ESR2: variants seen among roughly 807,000 people sequenced by gnomAD.
ESR2 encodes estrogen receptor beta.
A neutral mutation model predicts 49.6 loss-of-function variants in ESR2; 36 were observed. The ratio of observed to expected loss-of-function variants is 0.73; its 90% confidence interval spans 0.56 to 0.96. The LOEUF (loss-of-function observed/expected upper bound fraction) is 0.96, where lower values mean the gene tolerates loss of function less well. ESR2 is among the 40% of genes least tolerant of loss of function. The pLI, the probability that ESR2 is intolerant of heterozygous loss-of-function variation, is 0.00. For missense variants in ESR2, 714 were observed against 693.0 expected (o/e 1.03, Z -0.34); for synonymous variants, 320 against 266.1 (o/e 1.20, Z -1.97).
intron 1 of ESR2, among the ~76,000 whole-genome samples, chr14:64,321,326 T>C (rs1455986571): frequency 6.7e-6 from 1 of 149,972 alleles, no homozygotes; most frequent in Non-Finnish European, 1.5e-5. Flanking sequence ...AAAAAAAAAA[T>C]CTTTTTTGGG....
upstream of ESR2, among the ~76,000 whole-genome samples, chr14:64,298,795 G>C (rs1567788268): frequency 6.6e-6 from 1 of 152,116 alleles, no homozygotes; most frequent in Non-Finnish European, 1.5e-5. Context: ...TTTTTGTCCT[G>C]TCCACTGCCC....
Position 64,260,544 on chromosome 14 carries a change from C to A in ESR2, c.857G>T (p.Ser286Ile), listed in dbSNP as rs1254749562. ...EPPHVLISRPSAPFTEASMMM... is the reference protein window; with the variant it reads ...EPPHVLISRPIAPFTEASMMM... ...CATGGAGGCCTCGGTGAAGGGCGCA[C>A]TGGGGCGGCTGATCAGCACATGGGG... The change falls in exon 5 of 9, where the codon AGT becomes ATT. Residue 286 changes from serine to isoleucine, a missense_variant. Coordinates refer to ENST00000341099, the MANE Select transcript of ESR2 (RefSeq NM_001437.3). 6.3e-7 allele frequency: 1 copy of A among 1,576,568 alleles called. No homozygotes were observed. The highest frequency in any genetic ancestry group is 2.3e-5 in the East Asian group (1 of 44,396).
At chr14:64,227,405 C>CT, downstream of ESR2, 1 of 1,081,790 alleles carries the variant, frequency 9.2e-7, no homozygotes. Context: ...AACCACATAA[C>CT]TAACTTCAAA....
chr14:64,307,636 G>A (rs1295248338), intron 1 of ESR2, among the ~76,000 whole-genome samples: 2 of 152,128 alleles, frequency 1.3e-5, no homozygotes, highest in African/African-American at 4.8e-5. Context: ...CTGGGTTCAC[G>A]CCATTCTCCT....
intron 7 of ESR2, among the ~76,000 whole-genome samples, chr14:64,241,826 A>T (rs891648925): frequency 6.6e-6 from 1 of 152,106 alleles, no homozygotes; most frequent in Non-Finnish European, 1.5e-5. Flanking sequence ...TTCTACATAG[A>T]TTCTCATGTT....
intron 4 of ESR2, among the ~76,000 whole-genome samples, chr14:64,268,219 A>G (rs565635661): frequency 6.6e-6 from 1 of 152,362 alleles, no homozygotes; most frequent in South Asian, 2.1e-4. Context: ...TTAAATACAC[A>G]TATGTATACA....
chr14:64,312,684 A>G (rs780747280), intron 1 of ESR2, among the ~76,000 whole-genome samples: 1 of 152,118 alleles, frequency 6.6e-6, no homozygotes, highest in Non-Finnish European at 1.5e-5. Flanking sequence ...CTTATTTGGG[A>G]GAGTTGTGTG....
rs2076634125 is a variant in ESR2 at position 64,280,113 on chromosome 14, T to C, written c.403A>G (p.Ser135Gly). ...TTTGAACCTGGACCAGTAACAGGGC[T>C]GGCGCAACGGTTCCCACTAACCTTC... ...KRKVSGNRCA[S>G]PVTGPGSKRD... The change falls in exon 3 of 9, where the codon AGC (serine) becomes GGC (glycine). Residue 135 changes from serine (S) to glycine (G), a missense_variant. By Grantham distance (56) the Ser-to-Gly change is moderately conservative (BLOSUM62 0). Transcript: ENST00000341099. The C allele has an allele frequency of 1.2e-6, 2 of 1,614,108 alleles. No homozygotes were observed. The highest frequency in any genetic ancestry group is 1.7e-6 in the Non-Finnish European group (2 of 1,179,994).
At chr14:64,310,095 A>G (rs888690500) in intron 1 of ESR2, among the ~76,000 whole-genome samples, 1 of 151,036 alleles carries the variant, frequency 6.6e-6, no homozygotes, top group Non-Finnish European at 1.5e-5. Context: ...TAAAAAAAAG[A>G]AAGCTCGTCT....
At chr14:64,291,285 T>C (rs1465216729) in intron 1 of ESR2, among the ~76,000 whole-genome samples, 9 of 152,152 alleles carry the variant, frequency 5.9e-5, no homozygotes, top group African/African-American at 1.7e-4. Flanking sequence ...AATCTATCTT[T>C]CTAGGTCACC....
intron 1 of ESR2, chr14:64,332,092 C>A (rs2077467281): frequency 6.6e-6 from 1 of 152,182 alleles, no homozygotes; most frequent in South Asian, 2.1e-4. Context: ...TATGCCTGAT[C>A]AGCTATTATA....
chr14:64,235,250 G>T (rs1341517654), intron 7 of ESR2, 100 bp from the exon 8 acceptor site: 9 of 1,240,902 alleles, frequency 7.3e-6, no homozygotes, highest in Non-Finnish European at 7.9e-6. Flanking sequence ...GATCTGGGTT[G>T]CTTTGACAGC....
intron 4 of ESR2, among the ~76,000 whole-genome samples, chr14:64,265,894 G>T (rs1273530177): frequency 6.6e-6 from 1 of 152,186 alleles, no homozygotes; most frequent in Non-Finnish European, 1.5e-5. Context: ...AAACCTGATA[G>T]AAGAAAAAGC....
At chr14:64,253,604 G>GTGTGTGTGTATA (rs375688515) in intron 6 of ESR2, among the ~76,000 whole-genome samples, 12 of 142,908 alleles carry the variant, frequency 8.4e-5, no homozygotes, top group South Asian at 4.5e-4. Flanking sequence ...GTGTGTGTGT[G>GTGTGTGTGTATA]TATGTATGTG....
chr14:64,300,930 AGAT>A lies in ESR2; in HGVS notation c.-90-17858_-90-17856del, dbSNP rs547626115. 3.0e-3 allele frequency among the ~76,000 whole-genome samples: 462 copies of A among 152,324 alleles called. 2 individuals carry two copies. The highest frequency in any genetic ancestry group is 0.011 in the African/African-American group (437 of 41,560). ...AGGAAATATGAGGGTGTTTGCTCAC[AGAT>A]GATGAGGAGGAGGCTATAACTACCA... On this transcript the variant is annotated intron_variant, in intron 1 of 8. Transcript: ENST00000358599.
At chr14:64,237,556 T>G (rs2075631055) in intron 7 of ESR2, among the ~76,000 whole-genome samples, 1 of 152,130 alleles carries the variant, frequency 6.6e-6, no homozygotes, top group Admixed American at 6.5e-5. Flanking sequence ...CAGTTCAAAG[T>G]GACAAAGATT....
chr14:64,273,466 C>T (rs188417249), intron 3 of ESR2, among the ~76,000 whole-genome samples: 50 of 152,192 alleles, frequency 3.3e-4, no homozygotes, highest in African/African-American at 1.1e-3. Context: ...TGTTATTGGG[C>T]TGAGGTATAT....
intron 1 of ESR2, among the ~76,000 whole-genome samples, chr14:64,286,934 C>G (rs959715721): frequency 1.9e-4 from 29 of 151,522 alleles, no homozygotes; most frequent in African/African-American, 6.5e-4. Context: ...CCAGGCTGGT[C>G]TTGAACTCCT....
At position 64,233,199 on chromosome 14, in the gene ESR2, C is replaced by A; in HGVS notation, c.1531G>T (p.Glu511Ter). The A allele has an allele frequency of 6.2e-7, 1 of 1,614,180 alleles. No homozygotes were observed. Among genetic ancestry groups the A allele is most frequent in the East Asian group, 2.2e-5 (1 of 44,892 alleles). Residue 511 changes from glutamate to a stop codon, truncating the protein, a stop_gained, in exon 9 of 9, where the codon GAG (glutamate) becomes TAG (stop). Coordinates refer to ENST00000341099, the MANE Select transcript of ESR2 (RefSeq NM_001437.3). LOFTEE classifies it high-confidence loss of function. ...TTACTGTCCTCTGCCGGGCTGCACTCGGACCCCGTGATGGAGGACTTGCAC... is the reference window on the plus strand; with the variant it reads ...TTACTGTCCTCTGCCGGGCTGCACTAGGACCCCGTGATGGAGGACTTGCAC... Reference protein sequence around the residue: ...RGCKSSITGSECSPAEDSKSK... With the variant: ...RGCKSSITGS
Sources: allele counts gnomAD v4.1 joint callset (sites outside exome capture counted in the v4.1 genomes callset), GRCh38; gene constraint gnomAD v4.1.1; transcripts MANE v1.5; gene names NCBI Gene and HGNC (gene_info 2026-07-23, HGNC 2026-07-21).